FAT3: variants seen among roughly 807,000 people sequenced by gnomAD.
FAT3 encodes the protein FAT atypical cadherin 3, also known as protocadherin Fat 3.
A neutral mutation model predicts 310.2 loss-of-function variants in FAT3; 95 were observed. That is an observed-to-expected ratio of 0.31 (90% confidence interval 0.26 to 0.36). The LOEUF (loss-of-function observed/expected upper bound fraction) is 0.36. Among genes scored for constraint, FAT3 ranks in the 10% least tolerant of loss-of-function variants. The pLI, the probability that FAT3 is intolerant of heterozygous loss-of-function variation, is 1.00. For synonymous variants in FAT3, 2,314 were observed against 2,192.9 expected (o/e 1.06, Z -1.54); for missense variants, 5,408 against 5,715.6 (o/e 0.95, Z 1.74).
intron 3 of FAT3, among the ~76,000 whole-genome samples, chr11:92,552,596 A>C (rs1258321134): frequency 6.6e-6 from 1 of 152,154 alleles, no homozygotes; most frequent in East Asian, 1.9e-4. Flanking sequence ...ATGAGTTATG[A>C]TTTTTAGATT....
At chr11:92,852,294 A>G (rs979577132) in intron 19 of FAT3, among the ~76,000 whole-genome samples, 4 of 152,244 alleles carry the variant, frequency 2.6e-5, no homozygotes, top group Non-Finnish European at 5.9e-5. Context: ...TTCAAAAACT[A>G]AAAGTTTTTC....
Position 92,879,051 on chromosome 11 carries a change from AG to A in FAT3, c.12128-1676del, listed in dbSNP as rs202138234. Among the ~76,000 whole-genome samples the A allele has an allele frequency of 8.5e-3, 1,287 of 151,926 alleles. 22 individuals are homozygous for A. The highest frequency in any genetic ancestry group is 0.029 in the African/African-American group (1,211 of 41,324). On this transcript the variant is annotated intron_variant, in intron 22 of 27. Transcript: ENST00000525166. ...AAAGATCCTCCAAGATGTTAAAGAGAGGGGAAAAAAAAAACAAGTTACATAC... is the reference window on the plus strand; with the variant it reads ...AAAGATCCTCCAAGATGTTAAAGAGAGGGAAAAAAAAAACAAGTTACATAC...
chr11:92,874,490 G>A (rs1949478036), intron 22 of FAT3, among the ~76,000 whole-genome samples: 1 of 152,208 alleles, frequency 6.6e-6, no homozygotes, highest in African/African-American at 2.4e-5. Context: ...ATACAGTCTT[G>A]TAGAAAGATT....
At chr11:92,271,152 C>T (rs766469065) in intron 1 of FAT3, among the ~76,000 whole-genome samples, 1 of 152,110 alleles carries the variant, frequency 6.6e-6, no homozygotes, top group Non-Finnish European at 1.5e-5. Context: ...GGCTGCCTCA[C>T]TTCCTTGTGC....
At chr11:92,440,129 G>A (rs938992507) in intron 2 of FAT3, among the ~76,000 whole-genome samples, 4 of 152,020 alleles carry the variant, frequency 2.6e-5, no homozygotes, top group South Asian at 2.1e-4. Context: ...GGAAAGTACC[G>A]AAGAGTAGGA....
intron 3 of FAT3, among the ~76,000 whole-genome samples, chr11:92,671,189 C>T (rs2135823811): frequency 6.6e-6 from 1 of 152,160 alleles, no homozygotes; most frequent in South Asian, 2.1e-4. Flanking sequence ...GGATTACATG[C>T]ATGCACCACC....
At chr11:92,679,570 C>T (rs147772254) in intron 3 of FAT3, among the ~76,000 whole-genome samples, 42 of 151,946 alleles carry the variant, frequency 2.8e-4, no homozygotes, top group African/African-American at 9.2e-4. Flanking sequence ...AGGCCAGGCA[C>T]GGTGGCTCAC....
intron 1 of FAT3, among the ~76,000 whole-genome samples, chr11:92,262,030 A>C (rs1865579138): frequency 6.6e-6 from 1 of 151,260 alleles, no homozygotes; most frequent in African/African-American, 2.4e-5. Context: ...CAATAAATGG[A>C]CTCTAGCATT....
At chr11:92,794,894 A>T (rs181047821) in intron 9 of FAT3, among the ~76,000 whole-genome samples, 80 of 152,330 alleles carry the variant, frequency 5.3e-4, no homozygotes, top group Admixed American at 1.4e-3. Context: ...TTCCCAGTTG[A>T]GGGTGGGAGA....
chr11:92,683,646 C>T (rs1453919549), intron 3 of FAT3, among the ~76,000 whole-genome samples: 2 of 152,098 alleles, frequency 1.3e-5, no homozygotes, highest in African/African-American at 4.8e-5. Context: ...TCTCAGCATC[C>T]GTTGAAAGCC....
At chr11:92,804,032 T>C (rs1219879893) in intron 10 of FAT3, among the ~76,000 whole-genome samples, 1 of 152,236 alleles carries the variant, frequency 6.6e-6, no homozygotes, top group Non-Finnish European at 1.5e-5. Flanking sequence ...TGCCCTCTGC[T>C]TTTTAAAGAT....
chr11:92,506,910 A>G (rs189325909), intron 2 of FAT3, among the ~76,000 whole-genome samples: 173 of 152,334 alleles, frequency 1.1e-3, no homozygotes, highest in Middle Eastern at 3.4e-3. Flanking sequence ...GCATGGTGAC[A>G]ACAGGCTAAT....
intron 3 of FAT3, among the ~76,000 whole-genome samples, chr11:92,685,189 C>T (rs1943595687): frequency 1.3e-5 from 2 of 152,110 alleles, no homozygotes; most frequent in African/African-American, 4.8e-5. Flanking sequence ...GTTTAAATAA[C>T]ATAATTTAGT....
chr11:92,421,825 A>G (rs1591266200), intron 2 of FAT3, among the ~76,000 whole-genome samples: 1 of 152,200 alleles, frequency 6.6e-6, no homozygotes, highest in Non-Finnish European at 1.5e-5. Context: ...GCTCAGCCCC[A>G]GGTAGAGGAA....
intron 4 of FAT3, among the ~76,000 whole-genome samples, chr11:92,724,356 A>T (rs1944939780): frequency 1.3e-5 from 2 of 152,132 alleles, no homozygotes; most frequent in African/African-American, 4.8e-5. Context: ...CAGGATCTGG[A>T]CTTGCACCAT....
chr11:92,227,595 T>G (rs906656270), intron 1 of FAT3, among the ~76,000 whole-genome samples: 2 of 152,016 alleles, frequency 1.3e-5, no homozygotes, highest in African/African-American at 4.8e-5. Flanking sequence ...AATGCTTGAA[T>G]GATGTTCTGG....
chr11:92,379,082 C>G (rs1479920771), intron 2 of FAT3, among the ~76,000 whole-genome samples: 1 of 152,118 alleles, frequency 6.6e-6, no homozygotes, highest in Non-Finnish European at 1.5e-5. Flanking sequence ...ATCATACCCC[C>G]TGCCACTCCT....
intron 2 of FAT3, among the ~76,000 whole-genome samples, chr11:92,387,531 G>A (rs1949652848): frequency 6.6e-6 from 1 of 152,124 alleles, no homozygotes; most frequent in African/African-American, 2.4e-5. Flanking sequence ...CCCAACTCAA[G>A]ATATTAGGGA....
intron 4 of FAT3, among the ~76,000 whole-genome samples, chr11:92,703,379 C>T (rs1186531145): frequency 1.3e-5 from 2 of 152,158 alleles, no homozygotes. Context: ...CATAATTTAA[C>T]TTCAAGAAAA....
Sources: gnomAD v4.1 joint callset for allele counts (sites outside exome capture counted in the v4.1 genomes callset) on GRCh38, gnomAD v4.1.1 for gene constraint, MANE v1.5 for transcripts, NCBI Gene and HGNC (gene_info 2026-07-23, HGNC 2026-07-21) for gene names.